ENDOU: variants seen among roughly 807,000 people sequenced by gnomAD.
ENDOU encodes endonuclease, poly(U) specific.
In ENDOU, 49 loss-of-function variants were observed where a neutral mutation model predicts 54.2. The observed-to-expected ratio is 0.90, with a 90% CI of 0.72 to 1.15. ENDOU has a LOEUF of 1.15. ENDOU is among the 50% of genes most tolerant of loss of function. ENDOU has a pLI of 0.00. For synonymous variants in ENDOU, 172 were observed against 190.5 expected, an observed-to-expected ratio of 0.90 and a Z score of 0.80; for missense variants, 458 against 511.4, an observed-to-expected ratio of 0.90 and a Z score of 1.01.
rs779883387 is a variant in ENDOU, at chr12:47,718,215, A to G, written c.179-21T>C. On this transcript the variant is annotated intron_variant, in intron 2 of 9. Coordinates refer to ENST00000422538, the MANE Select transcript of ENDOU (RefSeq NM_001172439.2). ...GTCCTCTGCAGGTAGATAGAAAAAT[A>G]AAGTCACCAACAACCTGAGAATTCC... 6.4e-6 allele frequency: 10 copies of G among 1,558,406 alleles called. No individual in the cohort carries two copies. The South Asian group carries it at 9.4e-5, about 15-fold the overall frequency.
rs561710081 is a variant in ENDOU at position 47,717,969 on chromosome 12, C to A, written c.244+160G>T. On this transcript the variant is annotated intron_variant, in intron 3 of 9. Coordinates refer to ENST00000422538, the MANE Select transcript of ENDOU (RefSeq NM_001172439.2). ...CCATGGCCCCCCAGGCTGGCTGAGC[C>A]CCCCCAGGCTTCTTCCTGCCCAGGT... The A allele has an allele frequency of 4.4e-4, 305 of 687,718 alleles. 1 individual carries two copies. The highest frequency in any genetic ancestry group is 2.1e-3 in the Middle Eastern group (5 of 2,416). The allele number at this position is 687,718 out of a possible 1,614,324, so 42.6% of individuals were successfully genotyped here.
chr12:47,714,006 C>T (rs1250829526), intron 6 of ENDOU, among the ~76,000 whole-genome samples: 1 of 152,112 alleles, frequency 6.6e-6, no homozygotes, highest in Non-Finnish European at 1.5e-5. Context: ...ATCCTTCAAG[C>T]CATGGCAAGA....
At position 47,713,740 on chromosome 12, in the gene ENDOU, C is replaced by CGGA. The variant is rs1555185114; in HGVS notation, c.752-353_752-352insTCC. The stretch of plus-strand genomic sequence containing the variant: ...GGGAAAGGGCTGGCACATAAGTTGG[C>CGGA]GGGGGGGGGGGGTCTTCTAGAAAGG... On this transcript the variant is annotated intron_variant, in intron 6 of 9. Transcript: ENST00000422538. Among the ~76,000 whole-genome samples the CGGA allele has an allele frequency of 1.7e-4, 18 of 107,650 alleles. 3 individuals carry two copies. Among genetic ancestry groups the CGGA allele is most frequent in the African/African-American group, 7.7e-4 (17 of 21,944 alleles). 70.6% of individuals were successfully genotyped at this position (107,650 alleles called of 152,430 possible).
intron 1 of ENDOU, 126 bp downstream of exon 1, chr12:47,725,233 C>G (rs7967336): frequency 0.2 from 210,617 of 1,062,550 alleles, 22,639 homozygotes; most frequent in African/African-American, 0.39. Context: ...TGCTCTGCGG[C>G]TTTAGGACAG....
At chr12:47,720,725 C>T (rs1160090466) in intron 2 of ENDOU, 28 bp downstream of exon 2, 4 of 1,534,630 alleles carry the variant, frequency 2.6e-6, no homozygotes, top group Non-Finnish European at 3.5e-6. Flanking sequence ...ACAGGCTGGA[C>T]ATGCCTTCGT....
chr12:47,712,392 A>G, intron 8 of ENDOU, 124 bp downstream of exon 8: 1 of 698,808 alleles, frequency 1.4e-6, no homozygotes, highest in East Asian at 2.7e-5. Context: ...TGAGGACGTG[A>G]TAGTCACAAT....
chr12:47,717,777 AAAAC>A, intron 3 of ENDOU, 122 bp from the exon 4 acceptor site: 1 of 1,038,024 alleles, frequency 9.6e-7, no homozygotes, highest in Non-Finnish European at 1.4e-6. Flanking sequence ...CCAGGGAAGG[AAAAC>A]AAACAAACCT....
At chr12:47,711,070 C>T (rs988223522) in intron 9 of ENDOU, 151 bp from the exon 10 acceptor site, 1 of 490,838 alleles carries the variant, frequency 2.0e-6, no homozygotes, top group Non-Finnish European at 3.7e-6. Context: ...TCAGCAGCTG[C>T]CTCCAGCTCC....
chr12:47,725,400 A>G lies in ENDOU; in HGVS notation c.14T>C (p.Ile5Thr). The change falls in exon 1 of 10, where the codon ATC (isoleucine) becomes ACC (threonine). Residue 5 changes from isoleucine to threonine, a missense_variant. Transcript: ENST00000422538. ...ACACAGCACGGCCAATACCAGGGAG[A>G]TGCAGGCCCTCATGGTGCCCAGTTG... MRAC[I>T]SLVLAVLCGL... 1.2e-6 allele frequency: 2 copies of G among 1,614,170 alleles called. No individual in the cohort carries two copies. The highest frequency in any genetic ancestry group is 1.7e-6 in the Non-Finnish European group (2 of 1,180,022).
chr12:47,717,384 G>T, intron 4 of ENDOU, 134 bp downstream of exon 4: 1 of 1,009,538 alleles, frequency 9.9e-7, no homozygotes, highest in African/African-American at 1.6e-5. Context: ...TAGGCCCGGA[G>T]TGAAGCCCCA....
chr12:47,711,802 G>T, intron 8 of ENDOU, 27 bp from the exon 9 acceptor site: 1 of 1,613,490 alleles, frequency 6.2e-7, no homozygotes, highest in Non-Finnish European at 8.5e-7. Context: ...AGAAAAGGGG[G>T]TCTGGTGAGT....
chr12:47,711,185 G>A (rs1475624408), intron 9 of ENDOU, among the ~76,000 whole-genome samples: 2 of 152,200 alleles, frequency 1.3e-5, no homozygotes, highest in Non-Finnish European at 2.9e-5. Context: ...CCCAGATTCT[G>A]GAGGTGAAAT....
chr12:47,712,508 G>T lies in ENDOU; in HGVS notation c.972+8C>A. On this transcript the variant is annotated splice_region_variant and intron_variant, in intron 8 of 9. Transcript: ENST00000422538. ...CTCTGACAAGGCTTTTCTAGTCCGT[G>T]TACTCACAGGCCCATCGTAGATGTG... 2 of 1,597,868 alleles carry T rather than the reference G, an allele frequency of 1.3e-6. No individual in the cohort carries two copies. Among genetic ancestry groups the T allele is most frequent in the Non-Finnish European group, 1.7e-6 (2 of 1,165,338 alleles).
chr12:47,718,282 G>A (rs1240529905), intron 2 of ENDOU, 88 bp from the exon 3 acceptor site: 4 of 1,283,830 alleles, frequency 3.1e-6, no homozygotes, highest in Middle Eastern at 1.8e-4. Flanking sequence ...CCAGCCTCAG[G>A]GGACAAGCAA....
intron 3 of ENDOU, 162 bp downstream of exon 3, chr12:47,717,967 G>GC (rs1028701205): frequency 3.4e-5 from 23 of 678,274 alleles, no homozygotes; most frequent in Middle Eastern, 4.2e-4. Flanking sequence ...GGCTGGCTGA[G>GC]CCCCCCCAGG....
chr12:47,718,078 A>G, intron 3 of ENDOU, 51 bp downstream of exon 3: 1 of 1,480,116 alleles, frequency 6.8e-7, no homozygotes, highest in Non-Finnish European at 9.2e-7. Flanking sequence ...TGTCACCCTC[A>G]TGTCCCTCCT....
chr12:47,720,822 C>T lies in ENDOU; in HGVS notation c.109G>A (p.Ala37Thr), dbSNP rs1412576170. The change falls in exon 2 of 10, where the codon GCC (alanine) becomes ACC (threonine). Residue 37 changes from alanine (A) to threonine (T), a missense_variant. Physicochemically the swap from Ala to Thr is moderately conservative, Grantham distance 58. Coordinates refer to ENST00000422538, the MANE Select transcript of ENDOU (RefSeq NM_001172439.2). ...AGACACCGGCGGTCACACTGGCAGG[C>T]AGCGTCCCGGTTAAATTTCTCATTA... ...RCNEKFNRDA[A>T]CQCDRRCLWH... 5 of 1,536,114 alleles carry T rather than the reference C, an allele frequency of 3.3e-6. No individual in the cohort carries two copies. The highest frequency in any genetic ancestry group is 3.3e-4 in the Middle Eastern group (2 of 5,990).
At chr12:47,721,232 A>T (rs1281404105) in intron 1 of ENDOU, among the ~76,000 whole-genome samples, 1 of 152,184 alleles carries the variant, frequency 6.6e-6, no homozygotes, top group Non-Finnish European at 1.5e-5. Context: ...TTTGCAGCTG[A>T]TGCTCAGCTC....
Position 47,716,902 on chromosome 12 carries a change from C to A in ENDOU, c.539G>T (p.Arg180Leu), listed in dbSNP as rs765301352. ...TGTGGGAACTCACGGCTTTGGGCAGCGATCCACTTGGTTTCTGGTCTCTGA... is the reference window on the plus strand; with the variant it reads ...TGTGGGAACTCACGGCTTTGGGCAGAGATCCACTTGGTTTCTGGTCTCTGA... ...SPSETRNQVD[R>L]CPKPLFTYVN... The change falls in exon 5 of 10, where the codon CGC becomes CTC. Residue 180 changes from arginine (R) to leucine (L), a missense_variant. Coordinates refer to ENST00000422538, the MANE Select transcript of ENDOU (RefSeq NM_001172439.2). 1 of 1,614,044 alleles carries A rather than the reference C, an allele frequency of 6.2e-7. No homozygotes were observed. The highest frequency in any genetic ancestry group is 1.1e-5 in the South Asian group (1 of 91,072).
Sources: allele counts gnomAD v4.1 joint callset (sites outside exome capture counted in the v4.1 genomes callset), GRCh38; gene constraint gnomAD v4.1.1; transcripts MANE v1.5; gene names NCBI Gene and HGNC (gene_info 2026-07-23, HGNC 2026-07-21).